The following GLS variants were observed in gnomAD, a reference collection of about 807,000 sequenced individuals.
GLS encodes the protein glutaminase, also known as glutaminase kidney isoform, mitochondrial.
GLS carries 36 observed loss-of-function variants against 86.7 expected under a neutral mutation model. The ratio of observed to expected loss-of-function variants is 0.42; its 90% CI spans 0.32 to 0.55. The LOEUF is 0.55. Ranked by LOEUF, GLS falls within the 20% of genes least tolerant of loss-of-function variation. The pLI, the probability that GLS is intolerant of heterozygous loss-of-function variation, is 0.17. For missense variants in GLS, 528 were observed against 833.4 expected, an observed-to-expected ratio of 0.63 and a Z score of 4.51; for synonymous variants, 317 against 305.9, an observed-to-expected ratio of 1.04 and a Z score of -0.38.
Position 190,895,908 on chromosome 2 carries a change from T to C in GLS, c.605+183T>C. The C allele has an allele frequency of 4.9e-6, 2 of 408,620 alleles. No homozygotes were observed. The allele number at this position is 408,620 out of a possible 1,614,324, so 25.3% of individuals were successfully genotyped here. ...GTTCTATAATACACCGGGCTAAGAG[T>C]ATTCTTTCTTTAAATCTGTTCTAAG... On this transcript the variant is annotated intron_variant, in intron 3 of 17. Coordinates refer to ENST00000320717, the MANE Select transcript of GLS (RefSeq NM_014905.5). The surrounding 1 kb of genome is among the most constrained non-coding windows in gnomAD (Gnocchi z 4.2).
At chr2:190,937,844 T>G (rs1281671879) in intron 14 of GLS, among the ~76,000 whole-genome samples, 1 of 149,594 alleles carries the variant, frequency 6.7e-6, no homozygotes, top group Non-Finnish European at 1.5e-5. Flanking sequence ...CTGTGGGTTT[T>G]TTTTTTTTTT....
Position 190,880,985 on chromosome 2 carries a change from C to T in GLS, c.-100C>T, listed in dbSNP as rs1688132031. ...AAGTAGCTGCCCTTTCCTCTTCTGT[C>T]ATCTCACCGCCCCACCACAGACCGC... On this transcript the variant is annotated 5_prime_UTR_variant, in exon 1 of 18. Coordinates refer to ENST00000320717, the MANE Select transcript of GLS (RefSeq NM_014905.5). The T allele has an allele frequency of 1.1e-5, 15 of 1,338,814 alleles. No individual in the cohort carries two copies. The South Asian group carries it at 1.6e-4, about 15-fold the overall frequency. The allele number at this position is 1,338,814 out of a possible 1,614,324, so 82.9% of individuals were successfully genotyped here. A position where few individuals can be genotyped will look rare whatever the true frequency, so the allele number is the denominator to read the frequency against.
At chr2:190,929,074 C>T (rs1690010398) in intron 12 of GLS, among the ~76,000 whole-genome samples, 1 of 151,360 alleles carries the variant, frequency 6.6e-6, no homozygotes, top group Non-Finnish European at 1.5e-5. Flanking sequence ...CAACCTCCAT[C>T]GCCTGGGTTC....
At position 190,930,690 on chromosome 2, in the gene GLS, A is replaced by G. The variant is rs1690080552; in HGVS notation, c.1557+122A>G. 1 of 809,208 alleles carries G rather than the reference A, an allele frequency of 1.2e-6. No homozygotes were observed. The highest frequency in any genetic ancestry group is 1.9e-6 in the Non-Finnish European group (1 of 526,562). The allele number at this position is 809,208 out of a possible 1,614,324, so 50.1% of individuals were successfully genotyped here. ...GCCCTCCGCCTATAGTGTGCCAGTT[A>G]CTAGGGAGCCGTGGAAATACTCCCA... On this transcript the variant is annotated intron_variant, in intron 13 of 17. Transcript: ENST00000320717. The surrounding 1 kb of genome is among the most constrained non-coding windows in gnomAD (Gnocchi z 5.0).
chr2:190,921,768 C>G lies in GLS; in HGVS notation c.1130+565C>G, dbSNP rs1417240451. 6.6e-6 allele frequency among the ~76,000 whole-genome samples: 1 copy of G among 151,912 alleles called. No individual in the cohort carries two copies. The highest frequency in any genetic ancestry group is 2.4e-5 in the African/African-American group (1 of 41,378). Reference sequence around the variant, plus strand: ...ACAGTCTAAGAATAAGGACATTCTCCTACATAACCACAATACCATTAACAC... The same window carrying G: ...ACAGTCTAAGAATAAGGACATTCTCGTACATAACCACAATACCATTAACAC... On this transcript the variant is annotated intron_variant, in intron 9 of 17. Transcript: ENST00000320717. This position sits in a 1 kb window ranked among gnomAD's most constrained non-coding sequence, Gnocchi z 4.2.
At chr2:190,934,586 A>G (rs1574608777) in intron 14 of GLS, 2 of 982,960 alleles carry the variant, frequency 2.0e-6, no homozygotes, top group Non-Finnish European at 1.2e-6. Context: ...GAATGCCTTA[A>G]TTGGAAAAAA....
At chr2:190,945,705 T>C (rs1690562435) in intron 14 of GLS, among the ~76,000 whole-genome samples, 1 of 152,046 alleles carries the variant, frequency 6.6e-6, no homozygotes, top group Non-Finnish European at 1.5e-5. Context: ...TGTATGCTTT[T>C]AAGGGAGTTT....
chr2:190,933,141 G>C (rs1438557702), intron 14 of GLS: 1 of 863,466 alleles, frequency 1.2e-6, no homozygotes, highest in African/African-American at 1.8e-5. Flanking sequence ...TAATTAAAAT[G>C]TTAACTATGT....
At position 190,954,684 on chromosome 2, in the gene GLS, T is replaced by C. The variant is rs191034214; in HGVS notation, c.1789+24T>C. On this transcript the variant is annotated intron_variant, in intron 16 of 17. Coordinates refer to ENST00000320717, the MANE Select transcript of GLS (RefSeq NM_014905.5). This position sits in a 1 kb window ranked among gnomAD's most constrained non-coding sequence, Gnocchi z 4.0. ...GGGTAATACAGGAACTACTCCTATC[T>C]ATTTTCTTTCCAGATTTAATTTCTA... 92 of 1,607,474 alleles carry C rather than the reference T, an allele frequency of 5.7e-5. No homozygotes were observed. The highest frequency in any genetic ancestry group is 7.2e-5 in the Non-Finnish European group (84 of 1,173,966).
intron 5 of GLS, among the ~76,000 whole-genome samples, chr2:190,903,640 GTC>G (rs1689028922): frequency 6.6e-6 from 1 of 152,104 alleles, no homozygotes; most frequent in Non-Finnish European, 1.5e-5. Context: ...CATTCTCTAT[GTC>G]TCTTAGTTTT....
At chr2:190,960,539 A>ATTTAT (rs1553489727) in intron 17 of GLS, among the ~76,000 whole-genome samples, 1 of 148,908 alleles carries the variant, frequency 6.7e-6, no homozygotes, top group Non-Finnish European at 1.5e-5. Flanking sequence ...TAATTTATTT[A>ATTTAT]TTTATTTTTT....
At chr2:190,933,847 T>TACTTG in intron 14 of GLS, 1 of 782,542 alleles carries the variant, frequency 1.3e-6, no homozygotes, top group Non-Finnish European at 1.6e-6. Context: ...TTTTTTAGAG[T>TACTTG]ACTTGAGAAA....
chr2:190,891,031 AT>A, intron 1 of GLS, among the ~76,000 whole-genome samples: 1 of 149,754 alleles, frequency 6.7e-6, no homozygotes, highest in African/African-American at 2.4e-5. Context: ...CTTAGTAAGG[AT>A]TTTTTTTTTA....
chr2:190,958,158 A>T lies in GLS; in HGVS notation c.1853+3340A>T, dbSNP rs903950565. ...GGGATTTGACTTCTTCCTGGTTTAGACTTGGGAGGGTGTATGTGTCCAGGA... is the reference window on the plus strand; with the variant it reads ...GGGATTTGACTTCTTCCTGGTTTAGTCTTGGGAGGGTGTATGTGTCCAGGA... On this transcript the variant is annotated intron_variant, in intron 17 of 17. Coordinates refer to ENST00000320717, the MANE Select transcript of GLS (RefSeq NM_014905.5). Among the ~76,000 whole-genome samples the T allele has an allele frequency of 2.0e-5, 3 of 151,982 alleles. No individual in the cohort carries two copies. In the East Asian group the frequency reaches 5.8e-4, roughly 29 times the overall value.
chr2:190,885,487 G>T (rs965731345), intron 1 of GLS, among the ~76,000 whole-genome samples: 29 of 152,218 alleles, frequency 1.9e-4, no homozygotes, highest in Non-Finnish European at 4.1e-4. Context: ...ACCGCACCTG[G>T]TCTGAACATT....
intron 14 of GLS, among the ~76,000 whole-genome samples, chr2:190,942,323 G>C (rs1479681997): frequency 6.6e-6 from 1 of 151,718 alleles, no homozygotes; most frequent in Non-Finnish European, 1.5e-5. Context: ...CTCGTGATCC[G>C]CCCGCCTCGG....
At chr2:190,908,676 C>T (rs540445507) in intron 6 of GLS, among the ~76,000 whole-genome samples, 51 of 152,296 alleles carry the variant, frequency 3.3e-4, no homozygotes, top group South Asian at 4.1e-4. Flanking sequence ...GAAAATTTCA[C>T]GGTCATAGGT....
intron 17 of GLS, among the ~76,000 whole-genome samples, chr2:190,960,461 C>T (rs567122159): frequency 1.2e-3 from 179 of 150,044 alleles, no homozygotes; most frequent in South Asian, 4.6e-3. Flanking sequence ...ACTTCCCAGG[C>T]TCAAGCGATC....
chr2:190,931,284 C>T (rs544840829), intron 13 of GLS, among the ~76,000 whole-genome samples: 2 of 152,124 alleles, frequency 1.3e-5, no homozygotes, highest in East Asian at 1.9e-4. Flanking sequence ...TTCATGGGGC[C>T]GGTTATAAAC....
Sources: allele counts gnomAD v4.1 joint callset (sites outside exome capture counted in the v4.1 genomes callset), GRCh38; gene constraint gnomAD v4.1.1; non-coding constraint Gnocchi (gnomAD v3.1); transcripts MANE v1.5; gene names NCBI Gene and HGNC (gene_info 2026-07-23, HGNC 2026-07-21).